ZFAT: variants seen among roughly 807,000 people sequenced by gnomAD.
The protein encoded by ZFAT is zinc finger and AT-hook domain containing.
ZFAT carries 64 observed loss-of-function variants against 117.7 expected under a neutral mutation model. The ratio of observed to expected loss-of-function variants is 0.54; its 90% CI spans 0.44 to 0.67. The LOEUF (loss-of-function observed/expected upper bound fraction) is 0.67, where lower values mean the gene tolerates loss of function less well. ZFAT is among the 30% of genes least tolerant of loss of function. The pLI, the probability that ZFAT is intolerant of heterozygous loss-of-function variation, is 0.00. For synonymous variants in ZFAT, 679 were observed against 615.0 expected, an observed-to-expected ratio of 1.10 and a Z score of -1.54; for missense variants, 1,433 against 1,584.5, an observed-to-expected ratio of 0.90 and a Z score of 1.62.
rs1374810412 is a variant in ZFAT at position 134,478,829 on chromosome 8, C to T, written c.3493-108G>A. On this transcript the variant is annotated intron_variant, in intron 15 of 15. Transcript: ENST00000377838. The surrounding 1 kb of genome is among the most constrained non-coding windows in gnomAD (Gnocchi z 5.2). ...GAGGCACCAGTGCGCTGCGGGAGCA[C>T]GTCCATTCTCCACGGATCCTCTCTA... 4.6e-5 allele frequency: 66 copies of T among 1,438,510 alleles called. No homozygotes were observed. The highest frequency in any genetic ancestry group is 3.8e-5 in the Non-Finnish European group (41 of 1,077,950). The allele number at this position is 1,438,510 out of a possible 1,614,324, so 89.1% of individuals were successfully genotyped here. A position where few individuals can be genotyped will look rare whatever the true frequency, so the allele number is the denominator to read the frequency against.
chr8:134,719,036 C>T, the ZFAT span, among the ~76,000 whole-genome samples: 970 of 152,270 alleles, frequency 6.4e-3, 14 homozygotes, highest in African/African-American at 0.022. Flanking sequence ...CTTGTGAACA[C>T]GGTTGTACCT....
At chr8:134,830,271 T>TCCTGTACCCC in the ZFAT span, among the ~76,000 whole-genome samples, 1 of 152,230 alleles carries the variant, frequency 6.6e-6, no homozygotes, top group Admixed American at 6.5e-5. Context: ...TACAGGACTG[T>TCCTGTACCCC]ATACAGACAT....
At position 134,512,506 on chromosome 8, in the gene ZFAT, C is replaced by T. The variant is rs367952040; in HGVS notation, c.3330G>A (p.Ala1110=). ...DVQGTQAAVA[A]LQDLRYTSES... is the part of the protein sequence containing the mutation. ...CAGAGGTGTATCTCAGGTCCTGGAG[C>T]GCGGCCACCGCTGCCTGTGTCCCTT... is the stretch of plus-strand genomic sequence containing the variant. Residue 1110 remains alanine (A), a synonymous_variant, in exon 14 of 16, where the codon GCG becomes GCA. Transcript: ENST00000377838. The T allele has an allele frequency of 9.8e-5, 158 of 1,613,974 alleles. No homozygotes were observed. In the South Asian group the frequency reaches 1.0e-3, roughly 10 times the overall value.
At chr8:134,822,182 AGAGT>A in the ZFAT span, among the ~76,000 whole-genome samples, 1 of 152,186 alleles carries the variant, frequency 6.6e-6, no homozygotes. Context: ...GTTAATATTA[AGAGT>A]TAGTGTTCAA....
At chr8:134,644,639 ATC>A (rs1048703357) in intron 2 of ZFAT, among the ~76,000 whole-genome samples, 1 of 151,640 alleles carries the variant, frequency 6.6e-6, no homozygotes, top group Admixed American at 6.6e-5. Context: ...CGTATACACA[ATC>A]TCACACACAA....
the ZFAT span, among the ~76,000 whole-genome samples, chr8:134,803,424 A>G: frequency 6.6e-6 from 1 of 152,164 alleles, no homozygotes; most frequent in African/African-American, 2.4e-5. Context: ...CCAATGTGCT[A>G]AAACAGAGGG....
chr8:134,814,795 C>A, the ZFAT span, among the ~76,000 whole-genome samples: 1 of 152,138 alleles, frequency 6.6e-6, no homozygotes, highest in African/African-American at 2.4e-5. Context: ...CATCCCAATA[C>A]CCTAAGTCCA....
the ZFAT span, among the ~76,000 whole-genome samples, chr8:134,774,216 C>T: frequency 2.6e-5 from 4 of 151,940 alleles, no homozygotes; most frequent in Non-Finnish European, 4.4e-5. Context: ...AGGCTGGTCT[C>T]GAACTCCTGA....
intron 11 of ZFAT, among the ~76,000 whole-genome samples, chr8:134,545,604 C>A (rs1440915091): frequency 6.6e-6 from 1 of 152,098 alleles, no homozygotes; most frequent in African/African-American, 2.4e-5. Flanking sequence ...ACAGTTTTTG[C>A]CATTAAAAGT....
chr8:134,730,448 A>G, the ZFAT span, among the ~76,000 whole-genome samples: 11 of 152,346 alleles, frequency 7.2e-5, no homozygotes, highest in African/African-American at 2.6e-4. Context: ...TGAATTTGTC[A>G]CAAGAGAGAC....
At chr8:134,597,827 T>C (rs1216282923) in intron 7 of ZFAT, 4 of 152,172 alleles carry the variant, frequency 2.6e-5, no homozygotes, top group Admixed American at 1.3e-4. Context: ...AACTTACAAC[T>C]TCTAAGAAAA....
chr8:134,649,366 T>C (rs555913237), intron 2 of ZFAT, among the ~76,000 whole-genome samples: 1 of 152,192 alleles, frequency 6.6e-6, no homozygotes, highest in East Asian at 1.9e-4. Flanking sequence ...AAGGAAAAAG[T>C]AAAATTATCT....
At chr8:134,816,557 G>A in the ZFAT span, among the ~76,000 whole-genome samples, 2 of 151,854 alleles carry the variant, frequency 1.3e-5, no homozygotes, top group African/African-American at 4.8e-5. Context: ...TAAAGGATAC[G>A]TCTAAAAATA....
chr8:134,551,165 G>C (rs1029987940), intron 11 of ZFAT, among the ~76,000 whole-genome samples: 1 of 152,196 alleles, frequency 6.6e-6, no homozygotes, highest in Admixed American at 6.5e-5. Flanking sequence ...TGCTTCACTT[G>C]AAAATGAGAA....
At chr8:134,518,123 C>T (rs749225459) in intron 13 of ZFAT, among the ~76,000 whole-genome samples, 1 of 152,266 alleles carries the variant, frequency 6.6e-6, no homozygotes, top group Non-Finnish European at 1.5e-5. Context: ...TATGATTGTT[C>T]CTGTGGTATT....
intron 7 of ZFAT, among the ~76,000 whole-genome samples, chr8:134,592,332 G>A (rs973050649): frequency 4.6e-5 from 7 of 152,198 alleles, no homozygotes; most frequent in South Asian, 2.1e-4. Flanking sequence ...CATATCCTAT[G>A]AGGCCTTTAG....
intron 11 of ZFAT, among the ~76,000 whole-genome samples, chr8:134,536,033 T>C (rs1243991481): frequency 6.6e-6 from 1 of 152,166 alleles, no homozygotes; most frequent in Non-Finnish European, 1.5e-5. Flanking sequence ...TCACCCTTCT[T>C]GCAGCAAAGC....
the ZFAT span, among the ~76,000 whole-genome samples, chr8:134,720,951 A>C: frequency 6.6e-6 from 1 of 152,332 alleles, no homozygotes; most frequent in East Asian, 1.9e-4. Context: ...ATGAATAAGA[A>C]CCCTCCTCCC....
chr8:134,603,971 T>C (rs992127791), intron 5 of ZFAT, among the ~76,000 whole-genome samples: 69 of 152,246 alleles, frequency 4.5e-4, no homozygotes, highest in Non-Finnish European at 8.8e-5. Context: ...TTATTAACTT[T>C]GTATTCCATT....
Sources: allele counts gnomAD v4.1 joint callset (sites outside exome capture counted in the v4.1 genomes callset), GRCh38; gene constraint gnomAD v4.1.1; non-coding constraint Gnocchi (gnomAD v3.1); transcripts MANE v1.5; gene names NCBI Gene and HGNC (gene_info 2026-07-23, HGNC 2026-07-21).